The following MEGF9 variants were observed in gnomAD, a reference collection of about 807,000 sequenced individuals.
The protein encoded by MEGF9 is multiple EGF like domains 9.
Under a neutral mutation model 46.8 loss-of-function variants are expected in MEGF9, and 6 were observed. The observed-to-expected ratio is 0.13, with a 90% CI of 0.07 to 0.25. MEGF9 has a LOEUF of 0.25. Among genes scored for constraint, MEGF9 ranks in the 10% least tolerant of loss-of-function variants. The probability of loss-of-function intolerance (pLI) is 1.00; values close to 1 mark genes in which losing one functional copy is unlikely to be tolerated. For missense variants in MEGF9, 683 were observed against 792.4 expected (o/e 0.86, Z 1.66); for synonymous variants, 302 against 330.7 (o/e 0.91, Z 0.94).
Position 120,622,811 on chromosome 9 carries a change from G to A in MEGF9, c.804-56C>T, listed in dbSNP as rs941972960. On this transcript the variant is annotated intron_variant, in intron 2 of 5. Transcript: ENST00000373930. The stretch of plus-strand genomic sequence containing the variant: ...AGTAAATCAATTTAAAAGTTGTATT[G>A]AGTAACACCCCAGAAGGGAAAGAAA... 5.7e-6 allele frequency: 9 copies of A among 1,579,480 alleles called. No individual in the cohort carries two copies. The African/African-American group carries it at 1.2e-4, about 21-fold the overall frequency.
chr9:120,674,292 C>T (rs977285477), intron 1 of MEGF9, among the ~76,000 whole-genome samples: 1 of 152,024 alleles, frequency 6.6e-6, no homozygotes, highest in African/African-American at 2.4e-5. Flanking sequence ...GAAAACCCAA[C>T]AATAAGGAAA....
intron 1 of MEGF9, among the ~76,000 whole-genome samples, chr9:120,698,644 T>C (rs188515323): frequency 8.5e-5 from 13 of 152,366 alleles, no homozygotes; most frequent in Non-Finnish European, 1.8e-4. Flanking sequence ...CTGCTGTCTT[T>C]GAAAAATCCC....
intron 1 of MEGF9, among the ~76,000 whole-genome samples, chr9:120,684,801 C>G (rs1680995928): frequency 6.6e-6 from 1 of 152,040 alleles, no homozygotes. Flanking sequence ...GTTGAGAAGT[C>G]ACAATACTAA....
Position 120,608,007 on chromosome 9 carries a change from G to A in MEGF9, c.1091C>T (p.Ser364Leu), listed in dbSNP as rs778720902. 9.3e-6 allele frequency: 15 copies of A among 1,613,280 alleles called. No individual in the cohort carries two copies. Among genetic ancestry groups the A allele is most frequent in the East Asian group, 2.2e-5 (1 of 44,880 alleles). ...VTSTGSCSIK[S>L]SELEPECDQC... ...GTCACATTCAGGTTCCAATTCACTC[G>A]ATTCTAAAAGAGAGAATGCCAAAAT... is the stretch of plus-strand genomic sequence containing the variant. Residue 364 changes from serine (S) to leucine (L), a missense_variant, in exon 5 of 6, where the codon TCG (serine) becomes TTG (leucine). Transcript: ENST00000373930.
At chr9:120,688,716 G>A (rs780190176) in intron 1 of MEGF9, among the ~76,000 whole-genome samples, 6 of 152,154 alleles carry the variant, frequency 3.9e-5, no homozygotes, top group Non-Finnish European at 5.9e-5. Flanking sequence ...TGCAATTTTA[G>A]ATAGGATGGA....
chr9:120,646,175 A>G (rs1215170323), intron 2 of MEGF9, among the ~76,000 whole-genome samples: 1 of 152,050 alleles, frequency 6.6e-6, no homozygotes, highest in African/African-American at 2.4e-5. Context: ...TACTCTCCAT[A>G]TTTTAAATAT....
chr9:120,712,538 T>C (rs1441149373), intron 1 of MEGF9, among the ~76,000 whole-genome samples: 4 of 152,222 alleles, frequency 2.6e-5, no homozygotes, highest in Non-Finnish European at 4.4e-5. Flanking sequence ...AGCTAGCTAA[T>C]GCATTCCTTG....
chr9:120,668,269 A>C (rs2043734068), intron 1 of MEGF9, among the ~76,000 whole-genome samples: 4 of 152,196 alleles, frequency 2.6e-5, no homozygotes. Flanking sequence ...TTTCACATTT[A>C]TGTTATGCCA....
At chr9:120,649,937 C>T (rs1207432782) in intron 2 of MEGF9, among the ~76,000 whole-genome samples, 1 of 152,084 alleles carries the variant, frequency 6.6e-6, no homozygotes, top group African/African-American at 2.4e-5. Flanking sequence ...TAAAATGATG[C>T]ACCTTGTACT....
At chr9:120,662,030 T>A (rs561874085) in intron 1 of MEGF9, among the ~76,000 whole-genome samples, 1 of 152,354 alleles carries the variant, frequency 6.6e-6, no homozygotes, top group Admixed American at 6.5e-5. Context: ...ATAAAAACTA[T>A]GAATTTTATT....
intron 1 of MEGF9, among the ~76,000 whole-genome samples, chr9:120,695,950 C>T (rs1490954385): frequency 6.6e-6 from 1 of 152,184 alleles, no homozygotes; most frequent in Non-Finnish European, 1.5e-5. Flanking sequence ...CTTTACCTGG[C>T]TTGGAATTAG....
chr9:120,673,865 G>C (rs2043760958), intron 1 of MEGF9, among the ~76,000 whole-genome samples: 1 of 151,536 alleles, frequency 6.6e-6, no homozygotes, highest in Admixed American at 6.6e-5. Context: ...AGCTACTGGG[G>C]AGGCTGAGAC....
In MEGF9 at chr9:120,603,439, C is replaced by G. The variant is rs2043406293; in HGVS notation, c.*1751G>C. ...CAGAAGTAGATTATTTGCTTGTACT[C>G]CCTCCAGAACATCATCTCCAAACCC... On this transcript the variant is annotated 3_prime_UTR_variant, in exon 6 of 6. Transcript: ENST00000373930. The G allele has an allele frequency of 6.6e-6, 1 of 152,172 alleles. No homozygotes were observed. The highest frequency in any genetic ancestry group is 2.4e-5 in the African/African-American group (1 of 41,438). 9.4% of individuals were successfully genotyped at this position (152,172 alleles called of 1,614,324 possible).
At chr9:120,658,658 T>C (rs1165601799) in intron 2 of MEGF9, among the ~76,000 whole-genome samples, 1 of 152,194 alleles carries the variant, frequency 6.6e-6, no homozygotes, top group Non-Finnish European at 1.5e-5. Context: ...ATTTTTTTCA[T>C]TATTTAATAC....
chr9:120,641,760 T>A (rs1448867531), intron 2 of MEGF9, among the ~76,000 whole-genome samples: 1 of 152,200 alleles, frequency 6.6e-6, no homozygotes, highest in African/African-American at 2.4e-5. Flanking sequence ...ATTTTTTATA[T>A]CCCTATCCCT....
intron 1 of MEGF9, among the ~76,000 whole-genome samples, chr9:120,662,177 A>C (rs1355631049): frequency 6.6e-6 from 1 of 152,218 alleles, no homozygotes; most frequent in Non-Finnish European, 1.5e-5. Context: ...TTTCCAGTGA[A>C]GTTCTAATGG....
chr9:120,676,156 C>T (rs2043772452), intron 1 of MEGF9, among the ~76,000 whole-genome samples: 1 of 152,080 alleles, frequency 6.6e-6, no homozygotes, highest in Non-Finnish European at 1.5e-5. Flanking sequence ...TTCAGCCAGG[C>T]ACAGTGGCTC....
chr9:120,678,082 T>A (rs796708495), intron 1 of MEGF9, among the ~76,000 whole-genome samples: 29 of 152,312 alleles, frequency 1.9e-4, no homozygotes, highest in African/African-American at 7.0e-4. Context: ...TACCTCTAGT[T>A]GTTGTTGTTG....
At chr9:120,637,209 A>G (rs966019258) in intron 2 of MEGF9, among the ~76,000 whole-genome samples, 15 of 152,170 alleles carry the variant, frequency 9.9e-5, no homozygotes, top group Non-Finnish European at 2.1e-4. Context: ...TTTGTTAAAC[A>G]GATGCTTGAA....
Sources: gnomAD v4.1 joint callset for allele counts (sites outside exome capture counted in the v4.1 genomes callset) on GRCh38, gnomAD v4.1.1 for gene constraint, MANE v1.5 for transcripts, NCBI Gene and HGNC (gene_info 2026-07-23, HGNC 2026-07-21) for gene names.